DPCD: variants seen among roughly 807,000 people sequenced by gnomAD.
DPCD encodes protein DPCD.
Under a neutral mutation model 26.4 loss-of-function variants are expected in DPCD, and 20 were observed. The observed-to-expected ratio is 0.76, with a 90% CI of 0.53 to 1.10. DPCD has a LOEUF of 1.10. Ranked by LOEUF, DPCD falls within the 50% of genes least tolerant of loss-of-function variation. DPCD has a pLI of 0.00. For synonymous variants in DPCD, 97 were observed against 94.2 expected (o/e 1.03, Z -0.17); for missense variants, 202 against 253.9 (o/e 0.80, Z 1.39).
chr10:101,598,616 T>G (rs1228754389), intron 2 of DPCD, among the ~76,000 whole-genome samples: 3 of 67,858 alleles, frequency 4.4e-5, no homozygotes, highest in African/African-American at 1.2e-4. Flanking sequence ...GCTTTCTTTT[T>G]TTTTTTTTTT....
At chr10:101,590,947 G>A (rs1296622483) in intron 1 of DPCD, among the ~76,000 whole-genome samples, 3 of 152,126 alleles carry the variant, frequency 2.0e-5, no homozygotes, top group African/African-American at 7.2e-5. Flanking sequence ...TGCCACAGTT[G>A]GATACTTCCA....
intron 2 of DPCD, among the ~76,000 whole-genome samples, chr10:101,594,950 C>T (rs989931118): frequency 2.0e-4 from 31 of 152,094 alleles, no homozygotes; most frequent in Non-Finnish European, 3.7e-4. Context: ...TTCATCCCCA[C>T]CCCTCACCCC....
At chr10:101,590,575 G>A (rs1317063061) in intron 1 of DPCD, among the ~76,000 whole-genome samples, 1 of 151,092 alleles carries the variant, frequency 6.6e-6, no homozygotes, top group East Asian at 1.9e-4. Context: ...CTTTCTCAAC[G>A]GAAATTCTTT....
intron 5 of DPCD, chr10:101,609,154 G>A (rs2063755039): frequency 3.1e-6 from 2 of 645,178 alleles, no homozygotes; most frequent in Admixed American, 2.8e-5. Flanking sequence ...GGTAGAGGGT[G>A]AAAGGGAAGC....
At chr10:101,595,401 G>A (rs2063643571) in intron 2 of DPCD, among the ~76,000 whole-genome samples, 1 of 152,186 alleles carries the variant, frequency 6.6e-6, no homozygotes, top group Non-Finnish European at 1.5e-5. Flanking sequence ...CCAGAGCTAG[G>A]TGGCTGGCTC....
intron 1 of DPCD, among the ~76,000 whole-genome samples, chr10:101,589,435 G>A (rs2063560187): frequency 6.6e-6 from 1 of 152,226 alleles, no homozygotes; most frequent in South Asian, 2.1e-4. Flanking sequence ...AAGTGATGAT[G>A]TTTCTGGGTC....
Position 101,588,931 on chromosome 10 carries a change from A to G in DPCD, c.64+531A>G, listed in dbSNP as rs3730457. Among the ~76,000 whole-genome samples the G allele has an allele frequency of 2.9e-3, 441 of 152,326 alleles. 2 individuals are homozygous for G. Among genetic ancestry groups the G allele is most frequent in the African/African-American group, 0.01 (426 of 41,576 alleles). On this transcript the variant is annotated intron_variant, in intron 1 of 5. Transcript: ENST00000370151. Reference sequence around the variant, plus strand: ...CCAGCTGTAATATTTTTGTTAAGTGAACTTCTAAATATTTTCTGTGTCTTT... The same window carrying G: ...CCAGCTGTAATATTTTTGTTAAGTGGACTTCTAAATATTTTCTGTGTCTTT...
At position 101,588,393 on chromosome 10, in the gene DPCD, G is replaced by C; in HGVS notation, c.57G>C (p.Leu19=). ...SLRTAQKTAL[L]QDGRRKVHYL... ...GGACAGCCCAGAAGACTGCGCTGCT[G>C]CAGGACGGTAACTCGAGGGTCCCCA... The change falls in exon 1 of 6, where the codon CTG becomes CTC. Residue 19 remains leucine (L), a synonymous_variant. Coordinates refer to ENST00000370151, the MANE Select transcript of DPCD (RefSeq NM_015448.3). 1.3e-6 allele frequency: 2 copies of C among 1,594,668 alleles called. No homozygotes were observed. Among genetic ancestry groups the C allele is most frequent in the Non-Finnish European group, 1.7e-6 (2 of 1,169,130 alleles).
At chr10:101,604,890 G>A (rs1406572794) in intron 4 of DPCD, among the ~76,000 whole-genome samples, 1 of 152,222 alleles carries the variant, frequency 6.6e-6, no homozygotes, top group Non-Finnish European at 1.5e-5. Context: ...TCTGAGGAGA[G>A]CTTGGCTGAT....
At chr10:101,605,355 G>C in intron 4 of DPCD, 1 of 1,270,306 alleles carries the variant, frequency 7.9e-7, no homozygotes, top group Non-Finnish European at 1.1e-6. Flanking sequence ...ACAGTAGAGA[G>C]TGGTGGGAGG....
At chr10:101,598,749 C>T (rs959031043) in intron 2 of DPCD, among the ~76,000 whole-genome samples, 3 of 151,694 alleles carry the variant, frequency 2.0e-5, no homozygotes, top group East Asian at 3.9e-4. Flanking sequence ...CTCAGCCTCC[C>T]CAGTAGCTGG....
chr10:101,598,526 G>A (rs1388389186), intron 2 of DPCD, among the ~76,000 whole-genome samples: 1 of 150,356 alleles, frequency 6.7e-6, no homozygotes, highest in Non-Finnish European at 1.5e-5. Context: ...GTTTCCTAGA[G>A]AGTAGTGGCA....
chr10:101,603,466 A>T lies in DPCD; in HGVS notation c.404+2130A>T, dbSNP rs2063712837. Among the ~76,000 whole-genome samples, 1 of 150,298 alleles carries T rather than the reference A, an allele frequency of 6.7e-6. No homozygotes were observed. Among genetic ancestry groups the T allele is most frequent in the African/African-American group, 2.4e-5 (1 of 40,842 alleles). ...TATTTATTTATTTTTTTTTTAAGAG[A>T]TGGAGTCTTGGCTGGGCGCGGTGGC... On this transcript the variant is annotated intron_variant, in intron 4 of 5. Transcript: ENST00000370151. The surrounding 1 kb of genome is among the most constrained non-coding windows in gnomAD (Gnocchi z 4.6).
At position 101,600,717 on chromosome 10, in the gene DPCD, G is replaced by T. The variant is rs749306413; in HGVS notation, c.146-21G>T. ...CATCCTGATGCTTGCTTCTCATCCC[G>T]ATGCTTGCTTCTCTCCCCAGTGAGA... On this transcript the variant is annotated intron_variant, in intron 2 of 5. Transcript: ENST00000370151. This position sits in a 1 kb window ranked among gnomAD's most constrained non-coding sequence, Gnocchi z 4.7. 1 of 1,601,476 alleles carries T rather than the reference G, an allele frequency of 6.2e-7. No homozygotes were observed. The highest frequency in any genetic ancestry group is 1.3e-5 in the African/African-American group (1 of 74,284).
intron 1 of DPCD, among the ~76,000 whole-genome samples, chr10:101,592,054 T>C (rs2063613173): frequency 6.6e-6 from 1 of 151,744 alleles, no homozygotes; most frequent in Non-Finnish European, 1.5e-5. Flanking sequence ...ATTTTTCTTT[T>C]ACAAAAATAT....
Position 101,609,569 on chromosome 10 carries a change from A to C in DPCD, c.*98A>C. 3 of 1,047,856 alleles carry C rather than the reference A, an allele frequency of 2.9e-6. No individual in the cohort carries two copies. The South Asian group carries it at 4.5e-5, about 16-fold the overall frequency. The allele number at this position is 1,047,856 out of a possible 1,614,324, so 64.9% of individuals were successfully genotyped here. A position where few individuals can be genotyped will look rare whatever the true frequency, so the allele number is the denominator to read the frequency against. On this transcript the variant is annotated 3_prime_UTR_variant, in exon 6 of 6. Coordinates refer to ENST00000370151, the MANE Select transcript of DPCD (RefSeq NM_015448.3). ...GGCAGCCTCCTGTCTTCTAGGAGCT[A>C]TCAAGGGTCTCTAAGAACTGGGCAT...
chr10:101,600,694 T>C lies in DPCD; in HGVS notation c.146-44T>C. 6.2e-7 allele frequency: 1 copy of C among 1,600,918 alleles called. No individual in the cohort carries two copies. The highest frequency in any genetic ancestry group is 8.5e-7 in the Non-Finnish European group (1 of 1,173,974). On this transcript the variant is annotated intron_variant, in intron 2 of 5. Transcript: ENST00000370151. This position sits in a 1 kb window ranked among gnomAD's most constrained non-coding sequence, Gnocchi z 4.7. ...AGCAGAGACCCTCTCTTCACTCTCA[T>C]CCTGATGCTTGCTTCTCATCCCGAT...
chr10:101,602,948 C>T (rs868419112), intron 4 of DPCD, among the ~76,000 whole-genome samples: 2 of 152,270 alleles, frequency 1.3e-5, no homozygotes, highest in Non-Finnish European at 1.5e-5. Context: ...CCATCTCCTG[C>T]GCACATCCAG....
rs2063689706 is a variant in DPCD at position 101,600,816 on chromosome 10, G to T, written c.224G>T (p.Gly75Val). The change falls in exon 3 of 6, where the codon GGA becomes GTA. Residue 75 changes from glycine (G) to valine (V), a missense_variant. Gly to Val is a moderately radical substitution (Grantham distance 109). Coordinates refer to ENST00000370151, the MANE Select transcript of DPCD (RefSeq NM_015448.3). The surrounding 1 kb of genome is among the most constrained non-coding windows in gnomAD (Gnocchi z 4.7). The part of the protein sequence containing the change: ...QLEVGDPAPL[G>V]AGNLGPELIK... ...GAAGTAGGAGACCCAGCGCCCCTAG[G>T]AGCAGGGAACCTGGGGCCTGAACTC... 1.2e-6 allele frequency: 2 copies of T among 1,613,902 alleles called. No homozygotes were observed. Among genetic ancestry groups the T allele is most frequent in the South Asian group, 1.1e-5 (1 of 91,082 alleles).
Sources: gnomAD v4.1 joint callset for allele counts (sites outside exome capture counted in the v4.1 genomes callset) on GRCh38, gnomAD v4.1.1 for gene constraint, Gnocchi (gnomAD v3.1) non-coding constraint, MANE v1.5 for transcripts, NCBI Gene and HGNC (gene_info 2026-07-23, HGNC 2026-07-21) for gene names.